Variants in LYRM2 observed in about 807,000 individuals in gnomAD.
The protein encoded by LYRM2 is LYR motif-containing protein 2.
Under a neutral mutation model 11.6 loss-of-function variants are expected in LYRM2, and 8 were observed. The ratio of observed to expected loss-of-function variants is 0.69; its 90% CI spans 0.40 to 1.24. The LOEUF is 1.24. Among genes scored for constraint, LYRM2 ranks in the 50% most tolerant of loss-of-function variants. LYRM2 has a pLI of 0.01. For missense variants in LYRM2, 117 were observed against 102.9 expected (o/e 1.14, Z -0.59); for synonymous variants, 30 against 36.4 (o/e 0.83, Z 0.63).
intron 2 of LYRM2, 54 bp from the exon 3 acceptor site, chr6:89,637,407 G>C: frequency 8.8e-7 from 1 of 1,138,190 alleles, no homozygotes; most frequent in Non-Finnish European, 1.3e-6. Flanking sequence ...ACAAGGTATA[G>C]CTATACCATT....
chr6:89,634,249 C>T lies in LYRM2; in HGVS notation c.*3024G>A, dbSNP rs1168251413. ...GAAAAACCTTTTGTATTCTACAATA[C>T]CTTTTATGAGTAAGAGTAAAACATA... On this transcript the variant is annotated 3_prime_UTR_variant, in exon 3 of 3. Transcript: ENST00000523377. 6.6e-6 allele frequency: 1 copy of T among 152,062 alleles called. No individual in the cohort carries two copies. Among genetic ancestry groups the T allele is most frequent in the Non-Finnish European group, 1.5e-5 (1 of 68,004 alleles). 9.4% of individuals were successfully genotyped at this position (152,062 alleles called of 1,614,324 possible).
At chr6:89,637,464 C>T (rs1232508505) in intron 2 of LYRM2, 111 bp from the exon 3 acceptor site, 1 of 726,880 alleles carries the variant, frequency 1.4e-6, no homozygotes, top group Non-Finnish European at 2.2e-6. Context: ...GAACTGCTGC[C>T]TTTTAGAAAA....
chr6:89,637,973 C>A, intron 1 of LYRM2, 91 bp from the exon 2 acceptor site: 3 of 1,279,330 alleles, frequency 2.3e-6, no homozygotes, highest in Non-Finnish European at 3.2e-6. Flanking sequence ...AACCAGAGTA[C>A]TTCTCGTTGG....
At chr6:89,637,694 A>C in intron 2 of LYRM2, 48 bp downstream of exon 2, 1 of 1,568,692 alleles carries the variant, frequency 6.4e-7, no homozygotes, top group Non-Finnish European at 8.6e-7. Flanking sequence ...AAATTCACTG[A>C]TCAATAAAAA....
At position 89,632,837 on chromosome 6, in the gene LYRM2, T is replaced by C. The variant is rs1807676048; in HGVS notation, c.*4436A>G. On this transcript the variant is annotated 3_prime_UTR_variant, in exon 3 of 3. Coordinates refer to ENST00000523377, the MANE Select transcript of LYRM2 (RefSeq NM_020466.5). ...TCTCAAACAGGATATCACTAACCTC[T>C]TTAGAATCATTCCTCAGTATACATC... 1 of 152,212 alleles carries C rather than the reference T, an allele frequency of 6.6e-6. No homozygotes were observed. The highest frequency in any genetic ancestry group is 1.5e-5 in the Non-Finnish European group (1 of 68,036). The allele number at this position is 152,212 out of a possible 1,614,324, so 9.4% of individuals were successfully genotyped here. A position where few individuals can be genotyped will look rare whatever the true frequency, so the allele number is the denominator to read the frequency against.
At position 89,636,895 on chromosome 6, in the gene LYRM2, G is replaced by C. The variant is rs553690001; in HGVS notation, c.*378C>G. 343 of 155,246 alleles carry C rather than the reference G, an allele frequency of 2.2e-3. No homozygotes were observed. Among genetic ancestry groups the C allele is most frequent in the Non-Finnish European group, 4.2e-3 (294 of 70,146 alleles). The allele number at this position is 155,246 out of a possible 1,614,324, so 9.6% of individuals were successfully genotyped here. ...GAGGTTTCACCATGCTGGCCAGGCTGGTCTTGAACTCCTGACCTCAAGTGA... is the reference window on the plus strand; with the variant it reads ...GAGGTTTCACCATGCTGGCCAGGCTCGTCTTGAACTCCTGACCTCAAGTGA... On this transcript the variant is annotated 3_prime_UTR_variant, in exon 3 of 3. Coordinates refer to ENST00000523377, the MANE Select transcript of LYRM2 (RefSeq NM_020466.5).
intron 2 of LYRM2, 93 bp downstream of exon 2, chr6:89,637,649 C>G: frequency 8.0e-7 from 1 of 1,254,720 alleles, no homozygotes; most frequent in Non-Finnish European, 1.1e-6. Context: ...CTCAGTGGCA[C>G]TATATTCCAA....
At chr6:89,638,402 A>C (rs1584060088) in intron 1 of LYRM2, 1 of 1,404,996 alleles carries the variant, frequency 7.1e-7, no homozygotes, top group Non-Finnish European at 9.3e-7. Context: ...ATAGACTTTT[A>C]CCGTGGGCAC....
In LYRM2 at chr6:89,635,217, T is replaced by C. The variant is rs1445465423; in HGVS notation, c.*2056A>G. On this transcript the variant is annotated 3_prime_UTR_variant, in exon 3 of 3. Transcript: ENST00000523377. Reference sequence around the variant, plus strand: ...CTTCTACACCCATAAAAGGATGATTTTGAGTTTCAAGATTTTAGATTTACT... The same window carrying C: ...CTTCTACACCCATAAAAGGATGATTCTGAGTTTCAAGATTTTAGATTTACT... 2 of 152,212 alleles carry C rather than the reference T, an allele frequency of 1.3e-5. No homozygotes were observed. The highest frequency in any genetic ancestry group is 2.4e-5 in the African/African-American group (1 of 41,460). 9.4% of individuals were successfully genotyped at this position (152,212 alleles called of 1,614,324 possible).
chr6:89,638,668 G>A lies in LYRM2; in HGVS notation c.45+4C>T, dbSNP rs1808093587. 6.2e-7 allele frequency: 1 copy of A among 1,614,106 alleles called. No homozygotes were observed. Among genetic ancestry groups the A allele is most frequent in the Non-Finnish European group, 8.5e-7 (1 of 1,179,968 alleles). The stretch of plus-strand genomic sequence containing the variant: ...TGCTTTGGAAGGCAGAGAACCGCCG[G>A]TACCTGCTTTAACGTTAGCGTCGCT... On this transcript the variant is annotated splice_donor_region_variant and intron_variant, in intron 1 of 2. Coordinates refer to ENST00000523377, the MANE Select transcript of LYRM2 (RefSeq NM_020466.5).
intron 2 of LYRM2, 25 bp downstream of exon 2, chr6:89,637,717 G>C: frequency 1.2e-6 from 2 of 1,611,340 alleles, no homozygotes; most frequent in Non-Finnish European, 8.5e-7. Flanking sequence ...GTTAGGATCT[G>C]TCCTCACCAT....
chr6:89,635,719 A>G lies in LYRM2; in HGVS notation c.*1554T>C, dbSNP rs1161201037. ...ACTTTCACTAAATTATTTTGTTATA[A>G]ATTTGATCTCCTTCAAAAGTGCCTT... On this transcript the variant is annotated 3_prime_UTR_variant, in exon 3 of 3. Coordinates refer to ENST00000523377, the MANE Select transcript of LYRM2 (RefSeq NM_020466.5). 1.3e-5 allele frequency: 2 copies of G among 152,168 alleles called. No individual in the cohort carries two copies. The highest frequency in any genetic ancestry group is 4.8e-5 in the African/African-American group (2 of 41,426). The allele number at this position is 152,168 out of a possible 1,614,324, so 9.4% of individuals were successfully genotyped here. A position where few individuals can be genotyped will look rare whatever the true frequency, so the allele number is the denominator to read the frequency against.
chr6:89,638,556 G>A (rs2128295871), intron 1 of LYRM2, 116 bp downstream of exon 1: 5 of 1,592,962 alleles, frequency 3.1e-6, no homozygotes, highest in Non-Finnish European at 3.4e-6. Context: ...GCCAATCTCA[G>A]AGGGCGCGCA....
Position 89,638,010 on chromosome 6 carries a change from CT to C in LYRM2, c.46-129del, listed in dbSNP as rs369897343. ...CAATTTTGAAAAAGGCAAAGAAAAA[CT>C]TTTTTTTTTCTTTTTTTGGCCAGAT... On this transcript the variant is annotated intron_variant, in intron 1 of 2. Transcript: ENST00000523377. The C allele has an allele frequency of 1.1e-3, 1,120 of 1,022,608 alleles. 1 individual carries two copies. Among genetic ancestry groups the C allele is most frequent in the South Asian group, 2.7e-3 (152 of 56,588 alleles). The allele number at this position is 1,022,608 out of a possible 1,614,324, so 63.3% of individuals were successfully genotyped here. A position where few individuals can be genotyped will look rare whatever the true frequency, so the allele number is the denominator to read the frequency against.
Position 89,632,860 on chromosome 6 carries a change from A to G in LYRM2, c.*4413T>C, listed in dbSNP as rs979874306. 2.6e-5 allele frequency: 4 copies of G among 152,246 alleles called. No individual in the cohort carries two copies. Among genetic ancestry groups the G allele is most frequent in the Non-Finnish European group, 4.4e-5 (3 of 68,046 alleles). The allele number at this position is 152,246 out of a possible 1,614,324, so 9.4% of individuals were successfully genotyped here. A position where few individuals can be genotyped will look rare whatever the true frequency, so the allele number is the denominator to read the frequency against. On this transcript the variant is annotated 3_prime_UTR_variant, in exon 3 of 3. Coordinates refer to ENST00000523377, the MANE Select transcript of LYRM2 (RefSeq NM_020466.5). ...TCTTTAGAATCATTCCTCAGTATAC[A>G]TCAATTTATTGAGAACTGCCTAATA...
intron 1 of LYRM2, among the ~76,000 whole-genome samples, 179 bp from the exon 2 acceptor site, chr6:89,638,061 A>T (rs1187602591): frequency 6.6e-6 from 1 of 152,076 alleles, no homozygotes; most frequent in East Asian, 1.9e-4. Flanking sequence ...CTGTAATCCC[A>T]GCACTTTGGG....
rs1584060658 is a variant in LYRM2 at position 89,638,742 on chromosome 6, C to T, written c.-26G>A. Reference sequence around the variant, plus strand: ...GTCCACCAGAGGTCCGCCGGAGCCTCAGCGCGCAGGAGCGGAAGTGGGGTT... The same window carrying T: ...GTCCACCAGAGGTCCGCCGGAGCCTTAGCGCGCAGGAGCGGAAGTGGGGTT... On this transcript the variant is annotated 5_prime_UTR_variant, in exon 1 of 3. Transcript: ENST00000523377. The T allele has an allele frequency of 6.2e-7, 1 of 1,613,044 alleles. No homozygotes were observed.
chr6:89,637,696 C>T lies in LYRM2; in HGVS notation c.186+46G>A, dbSNP rs370217589. On this transcript the variant is annotated intron_variant, in intron 2 of 2. Coordinates refer to ENST00000523377, the MANE Select transcript of LYRM2 (RefSeq NM_020466.5). ...AACTTAAAAAAAAAAATTCACTGAT[C>T]AATAAAAAGGGTTAGGATCTGTCCT... The T allele has an allele frequency of 1.9e-6, 3 of 1,567,320 alleles. No individual in the cohort carries two copies. The African/African-American group carries it at 4.1e-5, about 22-fold the overall frequency.
rs1240889395 is a variant in LYRM2 at position 89,632,890 on chromosome 6, A to G, written c.*4383T>C. 6.6e-6 allele frequency: 1 copy of G among 152,248 alleles called. No homozygotes were observed. The highest frequency in any genetic ancestry group is 6.5e-5 in the Admixed American group (1 of 15,290). The allele number at this position is 152,248 out of a possible 1,614,324, so 9.4% of individuals were successfully genotyped here. A position where few individuals can be genotyped will look rare whatever the true frequency, so the allele number is the denominator to read the frequency against. On this transcript the variant is annotated 3_prime_UTR_variant, in exon 3 of 3. Coordinates refer to ENST00000523377, the MANE Select transcript of LYRM2 (RefSeq NM_020466.5). ...TTTATTGAGAACTGCCTAATACTCA[A>G]GAAATTAAATCCTGAGTTCAGTAGG...
Sources: allele counts gnomAD v4.1 joint callset (sites outside exome capture counted in the v4.1 genomes callset), GRCh38; gene constraint gnomAD v4.1.1; transcripts MANE v1.5; gene names NCBI Gene and HGNC (gene_info 2026-07-23, HGNC 2026-07-21).